ACSM3: variants seen among roughly 807,000 people sequenced by gnomAD.
ACSM3 encodes acyl-CoA synthetase medium chain family member 3, also known as acyl-coenzyme A synthetase ACSM3, mitochondrial.
ACSM3 carries 61 observed loss-of-function variants against 74.1 expected under a neutral mutation model. That is an observed-to-expected ratio of 0.82 (90% CI 0.67 to 1.02). The LOEUF (loss-of-function observed/expected upper bound fraction) is 1.02. Ranked by LOEUF, ACSM3 falls within the 50% of genes least tolerant of loss-of-function variation. The pLI is 0.00. For missense variants in ACSM3, 660 were observed against 697.0 expected (o/e 0.95, Z 0.60); for synonymous variants, 213 against 241.5 (o/e 0.88, Z 1.09).
intron 1 of ACSM3, among the ~76,000 whole-genome samples, chr16:20,749,047 C>A (rs908978348): frequency 6.6e-6 from 1 of 151,566 alleles, no homozygotes; most frequent in Admixed American, 6.6e-5. Flanking sequence ...GTGACAAGAG[C>A]GAAACTCCGT....
At chr16:20,754,478 G>A (rs2080013193) in intron 2 of ACSM3, among the ~76,000 whole-genome samples, 1 of 152,156 alleles carries the variant, frequency 6.6e-6, no homozygotes, top group Admixed American at 6.5e-5. Context: ...TTAGTATATT[G>A]TCTTGAACTT....
chr16:20,689,336 T>C lies in ACSM3; in HGVS notation c.-190+14514T>C, dbSNP rs540864491. On this transcript the variant is annotated intron_variant, in intron 1 of 3. Coordinates refer to the ACSM3 transcript ENST00000561584. ...AAAGGAAATGAGAAGAAAATCAAAG[T>C]GTGTCACTACAAAAACTCAAGTAAA... 3.3e-5 allele frequency among the ~76,000 whole-genome samples: 5 copies of C among 152,120 alleles called. No individual in the cohort carries two copies. In the South Asian group the frequency reaches 8.3e-4, roughly 25 times the overall value.
chr16:20,675,134 C>G (rs1050067298), intron 1 of ACSM3, among the ~76,000 whole-genome samples: 2 of 152,032 alleles, frequency 1.3e-5, no homozygotes, highest in Non-Finnish European at 2.9e-5. Flanking sequence ...GGTTCGTTTC[C>G]TCTGATGAAG....
chr16:20,741,995 C>T (rs1480232500), intron 1 of ACSM3: 6 of 1,504,900 alleles, frequency 4.0e-6, no homozygotes, highest in Non-Finnish European at 5.3e-6. Flanking sequence ...GCATAGCAGC[C>T]ATTCTGGAAG....
At chr16:20,722,910 C>G (rs568995796) in intron 1 of ACSM3, among the ~76,000 whole-genome samples, 1 of 152,240 alleles carries the variant, frequency 6.6e-6, no homozygotes, top group South Asian at 2.1e-4. Flanking sequence ...TATTATTATA[C>G]TTTAAGTTTT....
intron 2 of ACSM3, among the ~76,000 whole-genome samples, chr16:20,772,215 T>C (rs2080201699): frequency 6.6e-6 from 1 of 152,144 alleles, no homozygotes; most frequent in African/African-American, 2.4e-5. Flanking sequence ...TCTCTGTTGA[T>C]TGCTTCCTTT....
At chr16:20,678,128 T>C (rs796286185) in intron 1 of ACSM3, among the ~76,000 whole-genome samples, 1 of 152,120 alleles carries the variant, frequency 6.6e-6, no homozygotes, top group Admixed American at 6.5e-5. Context: ...TCCCCTTCTG[T>C]AGATCCCAAG....
rs142995021 is a variant in ACSM3 at position 20,774,533 on chromosome 16, G to A, written c.220-1306G>A. Reference sequence around the variant, plus strand: ...TGGGATTACAGGCATGAGCCACTGCGCCTGGCCCTATCTATGTGTATCTTT... The same window carrying A: ...TGGGATTACAGGCATGAGCCACTGCACCTGGCCCTATCTATGTGTATCTTT... On this transcript the variant is annotated intron_variant, in intron 2 of 13. Coordinates refer to ENST00000289416, the MANE Select transcript of ACSM3 (RefSeq NM_005622.4). Among the ~76,000 whole-genome samples the A allele has an allele frequency of 6.6e-5, 10 of 152,250 alleles. No individual in the cohort carries two copies. In the East Asian group the frequency reaches 1.3e-3, roughly 21 times the overall value.
At chr16:20,779,227 A>G (rs955417383) in intron 4 of ACSM3, among the ~76,000 whole-genome samples, 29 of 152,014 alleles carry the variant, frequency 1.9e-4, no homozygotes, top group Non-Finnish European at 2.9e-4. Flanking sequence ...GTTCAAGACC[A>G]GCTTGGGAAA....
At chr16:20,705,243 G>A (rs894985017) in intron 1 of ACSM3, among the ~76,000 whole-genome samples, 1 of 151,996 alleles carries the variant, frequency 6.6e-6, no homozygotes, top group African/African-American at 2.4e-5. Flanking sequence ...CGTAGTGGTG[G>A]GCACCTGTAG....
chr16:20,731,878 A>C (rs2079832522), intron 1 of ACSM3: 1 of 211,866 alleles, frequency 4.7e-6, no homozygotes, highest in African/African-American at 2.3e-5. Context: ...TAAGAACTTG[A>C]AAATGTTTTG....
intron 2 of ACSM3, among the ~76,000 whole-genome samples, chr16:20,771,827 G>T (rs1366070258): frequency 6.6e-6 from 1 of 152,084 alleles, no homozygotes; most frequent in East Asian, 1.9e-4. Context: ...TTTCTGCAAT[G>T]GCTGTACTAA....
chr16:20,703,445 C>G (rs2079718825), intron 1 of ACSM3: 1 of 152,174 alleles, frequency 6.6e-6, no homozygotes, highest in Non-Finnish European at 1.5e-5. Context: ...TATCCATGAG[C>G]ATGAAATGTT....
At position 20,770,024 on chromosome 16, in the gene ACSM3, CA is replaced by C; in HGVS notation, c.-9del. ...TGCAAATCCTGAGTGCTAAAGCTTC[CA>C]ACAAGACTGATGCTAGCTCGTGTCA... On this transcript the variant is annotated 5_prime_UTR_variant, in exon 2 of 14. Coordinates refer to ENST00000289416, the MANE Select transcript of ACSM3 (RefSeq NM_005622.4). 1 of 1,613,874 alleles carries C rather than the reference CA, an allele frequency of 6.2e-7. No homozygotes were observed. The highest frequency in any genetic ancestry group is 1.3e-5 in the African/African-American group (1 of 75,018).
At chr16:20,726,468 C>T (rs1004200212) in intron 1 of ACSM3, among the ~76,000 whole-genome samples, 8 of 152,214 alleles carry the variant, frequency 5.3e-5, no homozygotes, top group Non-Finnish European at 1.0e-4. Flanking sequence ...TCAGTGTCAA[C>T]GCCTTTGGTC....
chr16:20,789,606 G>A, intron 9 of ACSM3: 1 of 1,338,126 alleles, frequency 7.5e-7, no homozygotes, highest in Non-Finnish European at 1.1e-6. Context: ...TTATCAAGAG[G>A]AAAAGATAAT....
intron 1 of ACSM3, among the ~76,000 whole-genome samples, chr16:20,742,796 T>C (rs1213694722): frequency 8.3e-6 from 1 of 120,048 alleles, no homozygotes; most frequent in African/African-American, 3.1e-5. Flanking sequence ...CGTGTAAATA[T>C]ATATATATAT....
At chr16:20,743,581 A>AG (rs1272367445) in intron 1 of ACSM3, 1 of 152,254 alleles carries the variant, frequency 6.6e-6, no homozygotes, top group African/African-American at 2.4e-5. Flanking sequence ...ATATTTTGAA[A>AG]GGGACACCGA....
intron 1 of ACSM3, chr16:20,682,122 T>C (rs2079457847): frequency 1.2e-6 from 1 of 813,754 alleles, no homozygotes; most frequent in Admixed American, 2.6e-5. Context: ...CTCAGTCCTT[T>C]GGATGTTAAT....
Sources: gnomAD v4.1 joint callset for allele counts (sites outside exome capture counted in the v4.1 genomes callset) on GRCh38, gnomAD v4.1.1 for gene constraint, MANE v1.5 for transcripts, NCBI Gene and HGNC (gene_info 2026-07-23, HGNC 2026-07-21) for gene names.